SEC31B: variants seen among roughly 807,000 people sequenced by gnomAD.
SEC31B encodes SEC31 homolog B, COPII component.
In SEC31B, 113 loss-of-function variants were observed where a neutral mutation model predicts 135.0. The ratio of observed to expected loss-of-function variants is 0.84; its 90% confidence interval spans 0.72 to 0.98. The LOEUF is 0.98. Ranked by LOEUF, SEC31B falls within the 50% of genes least tolerant of loss-of-function variation. The pLI is 0.00. For missense variants in SEC31B, 1,296 were observed against 1,421.1 expected (o/e 0.91, Z 1.42); for synonymous variants, 508 against 549.4 (o/e 0.92, Z 1.05).
chr10:100,492,992 T>C (rs758765358), intron 19 of SEC31B, among the ~76,000 whole-genome samples: 59 of 152,230 alleles, frequency 3.9e-4, no homozygotes, highest in Non-Finnish European at 1.2e-4. Flanking sequence ...AGTTAGGAAC[T>C]TGTATTTGAA....
In SEC31B at chr10:100,518,008, C is replaced by A. The variant is rs1482381892; in HGVS notation, c.-45-1011G>T. Among the ~76,000 whole-genome samples the A allele has an allele frequency of 2.6e-5, 4 of 151,806 alleles. No homozygotes were observed. The East Asian group carries it at 5.8e-4, about 22-fold the overall frequency. ...TCATCTCTCACCTGGAGTACTCCAA[C>A]AACCTCCCAACTAGCTATCCCCTTT... On this transcript the variant is annotated intron_variant, in intron 1 of 25. Coordinates refer to ENST00000370345, the MANE Select transcript of SEC31B (RefSeq NM_015490.4).
rs1851627983 is a variant in SEC31B at position 100,506,218 on chromosome 10, C to T, written c.883-17G>A. 1.9e-6 allele frequency: 3 copies of T among 1,614,072 alleles called. No homozygotes were observed. Among genetic ancestry groups the T allele is most frequent in the South Asian group, 2.2e-5 (2 of 91,090 alleles). Reference sequence around the variant, plus strand: ...ATATACCACCTAATATGAGGGAACACACCATTAGGGACAGTCCATGAAACC... The same window carrying T: ...ATATACCACCTAATATGAGGGAACATACCATTAGGGACAGTCCATGAAACC... On this transcript the variant is annotated splice_polypyrimidine_tract_variant and intron_variant, in intron 8 of 25. Coordinates refer to ENST00000370345, the MANE Select transcript of SEC31B (RefSeq NM_015490.4).
chr10:100,507,657 C>T (rs1851658559), intron 6 of SEC31B, 90 bp from the exon 7 acceptor site: 1 of 1,545,316 alleles, frequency 6.5e-7, no homozygotes, highest in Non-Finnish European at 8.9e-7. Context: ...TTTTCTGTCT[C>T]TTTTGTGACT....
At position 100,494,825 on chromosome 10, in the gene SEC31B, ATTTTTTTTTT is replaced by A. The variant is rs200276653; in HGVS notation, c.2472+550_2472+559del. 2.4e-5 allele frequency: 3 copies of A among 127,144 alleles called. No homozygotes were observed. In the Middle Eastern group the frequency reaches 0.012, roughly 493 times the overall value. 7.9% of individuals were successfully genotyped at this position (127,144 alleles called of 1,614,324 possible). On this transcript the variant is annotated intron_variant, in intron 19 of 25. Coordinates refer to ENST00000370345, the MANE Select transcript of SEC31B (RefSeq NM_015490.4). The stretch of plus-strand genomic sequence containing the variant: ...GGTATTTATGAATTTTACTGTAGCT[ATTTTTTTTTT>A]TTTTTTTTTGAGACGGAGTCTCGCT...
chr10:100,516,282 G>T, intron 2 of SEC31B, 63 bp from the exon 3 acceptor site: 2 of 1,562,278 alleles, frequency 1.3e-6, no homozygotes, highest in Admixed American at 1.9e-5. Context: ...GTATAAGAAG[G>T]TTAAGGAGTG....
At chr10:100,497,589 C>T (rs1163570019) in intron 16 of SEC31B, 78 bp downstream of exon 16, 7 of 1,605,400 alleles carry the variant, frequency 4.4e-6, no homozygotes, top group Middle Eastern at 3.4e-4. Flanking sequence ...TCTGCTCCTC[C>T]ACCTCCCTCC....
At chr10:100,498,261 G>GC (rs1297502158) in intron 14 of SEC31B, 54 bp from the exon 15 acceptor site, 5 of 1,572,740 alleles carry the variant, frequency 3.2e-6, no homozygotes, top group Non-Finnish European at 3.5e-6. Flanking sequence ...CCAACTTCCT[G>GC]CCCCCTGCAG....
chr10:100,501,905 C>T (rs1288754794), intron 11 of SEC31B, among the ~76,000 whole-genome samples: 2 of 152,204 alleles, frequency 1.3e-5, no homozygotes, highest in African/African-American at 4.8e-5. Context: ...TCTTTCCTCC[C>T]TTTTTTCTTC....
rs1172226899 is a variant in SEC31B at position 100,505,493 on chromosome 10, G to A, written c.1047C>T (p.Ile349=). ...EVQHMRQADK[I]SSSFSKGQPL... Reference sequence around the variant, plus strand: ...GCTGGCCTTTGCTGAAGGAAGAGGAGATCTGGGGGGAAAAGACACCTGCAT... The same window carrying A: ...GCTGGCCTTTGCTGAAGGAAGAGGAAATCTGGGGGGAAAAGACACCTGCAT... The change falls in exon 10 of 26, where the codon ATC becomes ATT. Residue 349 remains isoleucine, a splice_region_variant and synonymous_variant. Transcript: ENST00000370345. 2.0e-6 allele frequency: 3 copies of A among 1,526,888 alleles called. No individual in the cohort carries two copies. Among genetic ancestry groups the A allele is most frequent in the Admixed American group, 4.4e-5 (2 of 45,876 alleles). 94.6% of individuals were successfully genotyped at this position (1,526,888 alleles called of 1,614,324 possible).
Position 100,488,885 on chromosome 10 carries a change from T to C in SEC31B, c.3261A>G (p.Gln1087=), listed in dbSNP as rs777101673. ...AGTCAGTTGCAGACAGGGAGCAGCG[T>C]TGGAGAAGCGCCTCAAAGCTGCTCT... ...SLKSSFEALL[Q]RCSLSATDLK... Residue 1087 remains glutamine, a synonymous_variant, in exon 24 of 26, where the codon CAA becomes CAG. Coordinates refer to ENST00000370345, the MANE Select transcript of SEC31B (RefSeq NM_015490.4). The C allele has an allele frequency of 1.9e-6, 3 of 1,606,814 alleles. No homozygotes were observed. Among genetic ancestry groups the C allele is most frequent in the East Asian group, 2.2e-5 (1 of 44,666 alleles).
intron 3 of SEC31B, among the ~76,000 whole-genome samples, chr10:100,515,039 C>A (rs1375019229): frequency 6.6e-6 from 1 of 151,270 alleles, no homozygotes; most frequent in Non-Finnish European, 1.5e-5. Context: ...CACCTATAGT[C>A]CCAGCACTTT....
At chr10:100,504,670 G>A (rs886935957) in intron 10 of SEC31B, among the ~76,000 whole-genome samples, 4 of 151,980 alleles carry the variant, frequency 2.6e-5, no homozygotes, top group Non-Finnish European at 5.9e-5. Flanking sequence ...AGAATGTATC[G>A]TTACCAAAGT....
At chr10:100,517,129 T>C in intron 1 of SEC31B, 132 bp from the exon 2 acceptor site, 1 of 597,026 alleles carries the variant, frequency 1.7e-6, no homozygotes, top group Non-Finnish European at 3.0e-6. Flanking sequence ...CATGACCATC[T>C]GCAGATCTAA....
intron 7 of SEC31B, among the ~76,000 whole-genome samples, chr10:100,507,064 G>A (rs2133691347): frequency 6.6e-6 from 1 of 152,324 alleles, no homozygotes; most frequent in Middle Eastern, 3.4e-3. Context: ...AGGATAGACA[G>A]GAGTCAAGTT....
intron 10 of SEC31B, among the ~76,000 whole-genome samples, chr10:100,502,777 T>C (rs532565612): frequency 2.0e-5 from 3 of 152,150 alleles, no homozygotes; most frequent in Admixed American, 1.3e-4. Context: ...GCTAAATACC[T>C]CAGCATTAGC....
At position 100,499,165 on chromosome 10, in the gene SEC31B, T is replaced by G. The variant is rs17113157; in HGVS notation, c.1579A>C (p.Ser527Arg). ...LNSDRQQAFC[S>R]QASKHTTKEA... ...TGACTGGACTCCTACCACACCTGGC[T>G]GCAGAAGGCCTGTTGTCTGTCACTG... Residue 527 changes from serine (S) to arginine (R), a missense_variant, in exon 13 of 26, where the codon AGC becomes CGC. By Grantham distance (110) the Ser-to-Arg change is moderately radical. Transcript: ENST00000370345. The G allele has an allele frequency of 1.4e-3, 2,334 of 1,613,928 alleles. 26 individuals carry two copies. The African/African-American group carries it at 0.024, about 17-fold the overall frequency.
chr10:100,498,014 A>G lies in SEC31B; in HGVS notation c.1863+15T>C, dbSNP rs200274449. 1.2e-6 allele frequency: 2 copies of G among 1,613,974 alleles called. No individual in the cohort carries two copies. ...GTAATCCCCTCCCTTCTTCTCCTGC[A>G]TGATGGGCAGTTACCGAGGAGATTT... On this transcript the variant is annotated intron_variant, in intron 15 of 25. Transcript: ENST00000370345.
At chr10:100,515,987 G>T in intron 3 of SEC31B, 109 bp downstream of exon 3, 1 of 1,355,598 alleles carries the variant, frequency 7.4e-7, no homozygotes, top group Non-Finnish European at 1.0e-6. Context: ...ACTTGGCAAA[G>T]CTCCTTCTTC....
intron 1 of SEC31B, among the ~76,000 whole-genome samples, chr10:100,517,292 C>T (rs1361592067): frequency 1.3e-5 from 2 of 152,340 alleles, no homozygotes; most frequent in East Asian, 3.9e-4. Context: ...AAATAGCACC[C>T]ATATGCTGAT....
Sources: allele counts gnomAD v4.1 joint callset (sites outside exome capture counted in the v4.1 genomes callset), GRCh38; gene constraint gnomAD v4.1.1; transcripts MANE v1.5; gene names NCBI Gene and HGNC (gene_info 2026-07-23, HGNC 2026-07-21).